The following ADK variants were observed in gnomAD, a reference collection of about 807,000 sequenced individuals.
ADK encodes the protein N6,N6-dimethyladenosine kinase.
A neutral mutation model predicts 44.7 loss-of-function variants in ADK; 24 were observed. The ratio of observed to expected loss-of-function variants is 0.54; its 90% CI spans 0.39 to 0.76. The LOEUF (loss-of-function observed/expected upper bound fraction) is 0.76, where lower values mean the gene tolerates loss of function less well. Ranked by LOEUF, ADK falls within the 30% of genes least tolerant of loss-of-function variation. The probability of loss-of-function intolerance (pLI) is 0.00; values close to 1 mark genes in which losing one functional copy is unlikely to be tolerated. For synonymous variants in ADK, 128 were observed against 142.6 expected, an observed-to-expected ratio of 0.90 and a Z score of 0.73; for missense variants, 321 against 425.1, an observed-to-expected ratio of 0.76 and a Z score of 2.15.
intron 6 of ADK, among the ~76,000 whole-genome samples, chr10:74,509,059 G>T (rs1454512639): frequency 6.6e-6 from 1 of 152,086 alleles, no homozygotes; most frequent in Non-Finnish European, 1.5e-5. Flanking sequence ...TGAACTCCTG[G>T]CCTCACCCTA....
At chr10:74,185,039 G>C (rs909803181) in intron 1 of ADK, among the ~76,000 whole-genome samples, 10 of 152,130 alleles carry the variant, frequency 6.6e-5, no homozygotes, top group East Asian at 1.9e-4. Flanking sequence ...TTCCTCATCC[G>C]TTAAAAAGAG....
At position 74,603,766 on chromosome 10, in the gene ADK, G is replaced by A. The variant is rs140645715; in HGVS notation, c.877+3273G>A. The stretch of plus-strand genomic sequence containing the variant: ...TTATAATCCTTTGGGTATATACCCA[G>A]TAATGAGATTGCTGGATCAAATGGT... On this transcript the variant is annotated intron_variant, in intron 9 of 10. Coordinates refer to ENST00000539909, the MANE Select transcript of ADK (RefSeq NM_006721.4). Among the ~76,000 whole-genome samples, 14 of 152,336 alleles carry A rather than the reference G, an allele frequency of 9.2e-5. No homozygotes were observed. The East Asian group carries it at 2.5e-3, about 27-fold the overall frequency.
At chr10:74,267,162 C>T (rs1165155162) in intron 3 of ADK, among the ~76,000 whole-genome samples, 1 of 152,170 alleles carries the variant, frequency 6.6e-6, no homozygotes, top group African/African-American at 2.4e-5. Flanking sequence ...AGTTGACCCT[C>T]AAACAGCACA....
intron 7 of ADK, among the ~76,000 whole-genome samples, chr10:74,588,031 T>C (rs1851589361): frequency 6.6e-6 from 1 of 152,110 alleles, no homozygotes; most frequent in Admixed American, 6.6e-5. Context: ...CATCTTATAT[T>C]AAAGAGGATT....
Position 74,335,748 on chromosome 10 carries a change from A to G in ADK, c.273+21003A>G, listed in dbSNP as rs78316235. On this transcript the variant is annotated intron_variant, in intron 4 of 10. Coordinates refer to ENST00000539909, the MANE Select transcript of ADK (RefSeq NM_006721.4). Reference sequence around the variant, plus strand: ...CATCAATTGTAAGGGGGAGAGGAGCATCTCATTGTTTGTTTCTACTTCCCT... The same window carrying G: ...CATCAATTGTAAGGGGGAGAGGAGCGTCTCATTGTTTGTTTCTACTTCCCT... Among the ~76,000 whole-genome samples the G allele has an allele frequency of 1.9e-3, 282 of 152,250 alleles. 15 individuals carry two copies. In the East Asian group the frequency reaches 0.045, roughly 24 times the overall value.
At chr10:74,209,563 G>A (rs771463168) in intron 2 of ADK, among the ~76,000 whole-genome samples, 5 of 151,970 alleles carry the variant, frequency 3.3e-5, no homozygotes, top group Non-Finnish European at 7.4e-5. Flanking sequence ...CTTACACTGT[G>A]AAAGTGAGTT....
chr10:74,605,670 A>G (rs1852297487), intron 9 of ADK, among the ~76,000 whole-genome samples: 1 of 152,206 alleles, frequency 6.6e-6, no homozygotes, highest in South Asian at 2.1e-4. Flanking sequence ...GGACTTTTGC[A>G]TCAATGTTCA....
At chr10:74,655,950 C>T in intron 9 of ADK, 1 of 698,384 alleles carries the variant, frequency 1.4e-6, no homozygotes. Flanking sequence ...CGAAAGGGTG[C>T]AACTCCTCCT....
intron 8 of ADK, among the ~76,000 whole-genome samples, chr10:74,594,128 T>C (rs1851812477): frequency 6.6e-6 from 1 of 150,840 alleles, no homozygotes; most frequent in African/African-American, 2.4e-5. Context: ...TAAGTGGGAA[T>C]TGAACAATGA....
chr10:74,429,350 T>G (rs767464421), intron 6 of ADK, among the ~76,000 whole-genome samples: 1 of 152,210 alleles, frequency 6.6e-6, no homozygotes, highest in Non-Finnish European at 1.5e-5. Context: ...AATTTGAGAT[T>G]CAACACATGA....
At chr10:74,226,065 A>G (rs1346627271) in intron 3 of ADK, among the ~76,000 whole-genome samples, 1 of 152,098 alleles carries the variant, frequency 6.6e-6, no homozygotes, top group African/African-American at 2.4e-5. Flanking sequence ...GATATAATTC[A>G]TCTCTATGGG....
At chr10:74,555,503 T>G (rs1252841275) in intron 7 of ADK, among the ~76,000 whole-genome samples, 1 of 151,814 alleles carries the variant, frequency 6.6e-6, no homozygotes, top group Non-Finnish European at 1.5e-5. Flanking sequence ...TCCAGCATTT[T>G]GGAAGGCCAA....
intron 6 of ADK, among the ~76,000 whole-genome samples, chr10:74,470,015 A>G (rs1846505967): frequency 6.9e-6 from 1 of 144,796 alleles, no homozygotes; most frequent in African/African-American, 2.5e-5. Flanking sequence ...CATTTTGTAT[A>G]TATACCACCT....
intron 7 of ADK, among the ~76,000 whole-genome samples, chr10:74,581,329 A>G (rs935474121): frequency 6.6e-6 from 1 of 152,164 alleles, no homozygotes; most frequent in African/African-American, 2.4e-5. Flanking sequence ...ATGTGGCACT[A>G]CAGAAGAAAA....
At chr10:74,400,369 T>C (rs925631271) in intron 6 of ADK, among the ~76,000 whole-genome samples, 1 of 152,150 alleles carries the variant, frequency 6.6e-6, no homozygotes, top group Non-Finnish European at 1.5e-5. Context: ...AATAGTAGAC[T>C]CATATTGGAT....
chr10:74,279,493 A>G (rs1257332584), intron 3 of ADK, among the ~76,000 whole-genome samples: 2 of 150,982 alleles, frequency 1.3e-5, no homozygotes. Flanking sequence ...GGCTAAGGCC[A>G]GAGAATCACT....
intron 6 of ADK, among the ~76,000 whole-genome samples, chr10:74,420,427 T>G (rs1482342707): frequency 6.6e-6 from 1 of 152,188 alleles, no homozygotes; most frequent in Non-Finnish European, 1.5e-5. Context: ...ATAATTAATG[T>G]AGCAAAATGA....
At chr10:74,644,255 G>A (rs1853980623) in intron 9 of ADK, among the ~76,000 whole-genome samples, 3 of 152,170 alleles carry the variant, frequency 2.0e-5, no homozygotes, top group Admixed American at 6.5e-5. Context: ...CAGATGCTCT[G>A]TAAGAGCTCC....
chr10:74,465,151 G>A (rs913430363), intron 6 of ADK, among the ~76,000 whole-genome samples: 1 of 152,046 alleles, frequency 6.6e-6, no homozygotes, highest in Non-Finnish European at 1.5e-5. Flanking sequence ...TGATCATTAG[G>A]GAAAGTCTCA....
Sources: allele counts gnomAD v4.1 joint callset (sites outside exome capture counted in the v4.1 genomes callset), GRCh38; gene constraint gnomAD v4.1.1; transcripts MANE v1.5; gene names NCBI Gene and HGNC (gene_info 2026-07-23, HGNC 2026-07-21).